Variants in PLEKHG2 observed in about 807,000 individuals in gnomAD.
PLEKHG2 encodes pleckstrin homology and RhoGEF domain containing G2, also known as pleckstrin homology domain-containing family G member 2.
A neutral mutation model predicts 104.4 loss-of-function variants in PLEKHG2; 71 were observed. That is an observed-to-expected ratio of 0.68 (90% confidence interval 0.56 to 0.83). PLEKHG2 has a LOEUF of 0.83. Among genes scored for constraint, PLEKHG2 ranks in the 40% least tolerant of loss-of-function variants. The pLI, the probability that PLEKHG2 is intolerant of heterozygous loss-of-function variation, is 0.00. For missense variants in PLEKHG2, 1,730 were observed against 1,809.4 expected (o/e 0.96, Z 0.80); for synonymous variants, 728 against 737.0 (o/e 0.99, Z 0.20).
chr19:39,417,444 C>T (rs551887768), intron 7 of PLEKHG2, 111 bp from the exon 8 acceptor site: 49 of 1,370,206 alleles, frequency 3.6e-5, no homozygotes, highest in Non-Finnish European at 4.3e-5. Context: ...TGAGCCACTG[C>T]GCCTGGCCTC....
Position 39,413,955 on chromosome 19 carries a change from G to T in PLEKHG2, c.-22-110G>T. On this transcript the variant is annotated intron_variant, in intron 1 of 18. Coordinates refer to ENST00000425673, the MANE Select transcript of PLEKHG2 (RefSeq NM_022835.3). The surrounding 1 kb of genome is among the most constrained non-coding windows in gnomAD (Gnocchi z 4.5). ...CCTCCCCCATTAGTTACTCCCAGGG[G>T]CCCCTCCCTGGATTTACACCACGCT... 4.5e-6 allele frequency: 3 copies of T among 669,210 alleles called. No homozygotes were observed. The highest frequency in any genetic ancestry group is 3.9e-5 in the South Asian group (2 of 51,118). The allele number at this position is 669,210 out of a possible 1,614,324, so 41.5% of individuals were successfully genotyped here. A position where few individuals can be genotyped will look rare whatever the true frequency, so the allele number is the denominator to read the frequency against.
chr19:39,419,284 G>A (rs369494255), intron 11 of PLEKHG2, among the ~76,000 whole-genome samples: 18 of 152,278 alleles, frequency 1.2e-4, no homozygotes, highest in East Asian at 1.2e-3. Flanking sequence ...CACCAGCCAC[G>A]TCATGGGCTT....
chr19:39,423,266 G>A lies in PLEKHG2; in HGVS notation c.2212G>A (p.Gly738Arg), dbSNP rs146458335. 5.6e-6 allele frequency: 9 copies of A among 1,613,928 alleles called. No homozygotes were observed. Among genetic ancestry groups the A allele is most frequent in the Non-Finnish European group, 7.6e-6 (9 of 1,179,898 alleles). Reference protein sequence around the residue: ...GKAGPEEDEEGVSFTDFQPQD... With the variant: ...GKAGPEEDEERVSFTDFQPQD... ...GGCAGGGCCAGAGGAGGATGAAGAA[G>A]GGGTATCATTCACAGACTTCCAGCC... is the stretch of plus-strand genomic sequence containing the variant. Residue 738 changes from glycine to arginine, a missense_variant, in exon 18 of 19, where the codon GGG becomes AGG. Coordinates refer to ENST00000425673, the MANE Select transcript of PLEKHG2 (RefSeq NM_022835.3).
Position 39,425,435 on chromosome 19 carries a change from T to G in PLEKHG2, c.*141T>G. 7.5e-7 allele frequency: 1 copy of G among 1,338,906 alleles called. No homozygotes were observed. The allele number at this position is 1,338,906 out of a possible 1,614,324, so 82.9% of individuals were successfully genotyped here. On this transcript the variant is annotated 3_prime_UTR_variant, in exon 19 of 19. Coordinates refer to ENST00000425673, the MANE Select transcript of PLEKHG2 (RefSeq NM_022835.3). ...AACTCCTGGTATCTGCATCGGCGAATGGCCCTTCTTGCCTTGATCCACAGG... is the reference window on the plus strand; with the variant it reads ...AACTCCTGGTATCTGCATCGGCGAAGGGCCCTTCTTGCCTTGATCCACAGG...
In PLEKHG2 at chr19:39,416,338, T is replaced by C. The variant is rs769352545; in HGVS notation, c.480-10T>C. On this transcript the variant is annotated splice_polypyrimidine_tract_variant and intron_variant, in intron 4 of 18. Coordinates refer to ENST00000425673, the MANE Select transcript of PLEKHG2 (RefSeq NM_022835.3). This position sits in a 1 kb window ranked among gnomAD's most constrained non-coding sequence, Gnocchi z 4.5. ...GCAGGCGGTTCCTCACCCTCCCCTC[T>C]CCCCTGTAGCGAGCTCCTGGAGGAC... 3 of 1,611,768 alleles carry C rather than the reference T, an allele frequency of 1.9e-6. No homozygotes were observed. The highest frequency in any genetic ancestry group is 2.5e-6 in the Non-Finnish European group (3 of 1,179,510).
intron 9 of PLEKHG2, 129 bp downstream of exon 9, chr19:39,418,234 A>C (rs1188077348): frequency 1.2e-6 from 1 of 817,704 alleles, no homozygotes; most frequent in African/African-American, 1.8e-5. Context: ...AATGGAAGCC[A>C]AGGGAAGCTT....
At position 39,424,625 on chromosome 19, in the gene PLEKHG2, C is replaced by T. The variant is rs755860974; in HGVS notation, c.3492C>T (p.Pro1164=). 3 of 1,614,158 alleles carry T rather than the reference C, an allele frequency of 1.9e-6. No individual in the cohort carries two copies. The highest frequency in any genetic ancestry group is 1.1e-5 in the South Asian group (1 of 91,076). ...GGGTCCAAGCCCTCCCAACTTCACC[C>T]AAGCAGGGAAGCCTCCCAGACATCC... The part of the protein sequence containing the change: ...DIWVQALPTS[P]KQGSLPDIQG... The change falls in exon 19 of 19, where the codon CCC becomes CCT. Residue 1164 remains proline (P), a synonymous_variant. Transcript: ENST00000425673.
At position 39,412,841 on chromosome 19, in the gene PLEKHG2, C is replaced by G. The variant is rs1315683126; in HGVS notation, c.-594C>G. On this transcript the variant is annotated 5_prime_UTR_variant, in exon 1 of 19. Transcript: ENST00000425673. ...CTTGAGCCATCCAGGTGCGCAGCGC[C>G]CCCTCCTGGAGCAGCCGGGAGCCCG... 1 of 152,246 alleles carries G rather than the reference C, an allele frequency of 6.6e-6. No individual in the cohort carries two copies. Among genetic ancestry groups the G allele is most frequent in the Non-Finnish European group, 1.5e-5 (1 of 68,086 alleles). The allele number at this position is 152,246 out of a possible 1,614,324, so 9.4% of individuals were successfully genotyped here.
Position 39,415,404 on chromosome 19 carries a change from G to C in PLEKHG2, c.444G>C (p.Leu148=), listed in dbSNP as rs1166912295. 6.2e-7 allele frequency: 1 copy of C among 1,614,152 alleles called. No individual in the cohort carries two copies. The highest frequency in any genetic ancestry group is 8.5e-7 in the Non-Finnish European group (1 of 1,180,014). ...LGLSVEQVGT[L]FANIEDIYEF... is the part of the protein sequence containing the mutation. ...TGAGCGTGGAGCAGGTGGGCACGCT[G>C]TTTGCCAACATTGAGGACATCTACG... Residue 148 remains leucine, a synonymous_variant, in exon 4 of 19, where the codon CTG becomes CTC. Coordinates refer to ENST00000425673, the MANE Select transcript of PLEKHG2 (RefSeq NM_022835.3). This position sits in a 1 kb window ranked among gnomAD's most constrained non-coding sequence, Gnocchi z 4.6.
rs2078604789 is a variant in PLEKHG2, at chr19:39,416,414, G to A, written c.546G>A (p.Arg182=). The A allele has an allele frequency of 6.2e-7, 1 of 1,613,194 alleles. No homozygotes were observed. The highest frequency in any genetic ancestry group is 1.3e-5 in the African/African-American group (1 of 74,778). ...AGGIAECFVQ[R]SEDFDIYTLY... ...GTATTGCCGAGTGCTTCGTGCAGAGGGTGAGTGGAGGGGTGGGGGGCTCTC... is the reference window on the plus strand; with the variant it reads ...GTATTGCCGAGTGCTTCGTGCAGAGAGTGAGTGGAGGGGTGGGGGGCTCTC... Residue 182 remains arginine (R), a splice_region_variant and synonymous_variant, in exon 5 of 19, where the codon AGG becomes AGA. Coordinates refer to ENST00000425673, the MANE Select transcript of PLEKHG2 (RefSeq NM_022835.3). This position sits in a 1 kb window ranked among gnomAD's most constrained non-coding sequence, Gnocchi z 4.5.
At chr19:39,414,875 A>T in intron 2 of PLEKHG2, 117 bp from the exon 3 acceptor site, 1 of 1,196,006 alleles carries the variant, frequency 8.4e-7, no homozygotes, top group Middle Eastern at 2.8e-4. Context: ...AGGAGGAAGG[A>T]GCCTGTGGGA....
At position 39,424,959 on chromosome 19, in the gene PLEKHG2, G is replaced by A. The variant is rs772354235; in HGVS notation, c.3826G>A (p.Ala1276Thr). 2.5e-6 allele frequency: 4 copies of A among 1,614,188 alleles called. No individual in the cohort carries two copies. The South Asian group carries it at 3.3e-5, about 13-fold the overall frequency. ...SRQLLGPNAA[A>T]LSRYLAASYI... is the part of the protein sequence containing the mutation. ...TCAGCTCCTGGGCCCCAATGCAGCT[G>A]CCCTCTCCAGATACCTGGCAGCCTC... The change falls in exon 19 of 19, where the codon GCC (alanine) becomes ACC (threonine). Residue 1276 changes from alanine to threonine, a missense_variant. Coordinates refer to ENST00000425673, the MANE Select transcript of PLEKHG2 (RefSeq NM_022835.3).
chr19:39,424,910 T>A lies in PLEKHG2; in HGVS notation c.3777T>A (p.Pro1259=). 6.2e-7 allele frequency: 1 copy of A among 1,614,182 alleles called. No individual in the cohort carries two copies. The highest frequency in any genetic ancestry group is 1.1e-5 in the South Asian group (1 of 91,084). ...TGGAGTCTTCAGACTTGACGCCACCTCATAGTCCCCCACCTTCCAGCCGTC... is the reference window on the plus strand; with the variant it reads ...TGGAGTCTTCAGACTTGACGCCACCACATAGTCCCCCACCTTCCAGCCGTC... ...ARLESSDLTP[P]HSPPPSSRQL... The change falls in exon 19 of 19, where the codon CCT becomes CCA. Residue 1259 remains proline, a synonymous_variant. Transcript: ENST00000425673.
At position 39,415,350 on chromosome 19, in the gene PLEKHG2, C is replaced by T. The variant is rs767415761; in HGVS notation, c.390C>T (p.Gly130=). 4 of 1,613,898 alleles carry T rather than the reference C, an allele frequency of 2.5e-6. No homozygotes were observed. Among genetic ancestry groups the T allele is most frequent in the South Asian group, 2.2e-5 (2 of 91,052 alleles). Residue 130 remains glycine (G), a synonymous_variant, in exon 4 of 19, where the codon GGC becomes GGT. Transcript: ENST00000425673. This position sits in a 1 kb window ranked among gnomAD's most constrained non-coding sequence, Gnocchi z 4.6. ...AGTCATCCCAACAGGACTACCTGGG[C>T]CCTCTGCTGGACGGCGGGGTCCTGG... The part of the protein sequence containing the change: ...DLRSIVEDYL[G]PLLDGGVLGL...
In PLEKHG2 at chr19:39,423,435, C is replaced by T. The variant is rs772031394; in HGVS notation, c.2381C>T (p.Ser794Leu). ...GAGCCACTGCTGATCCTGGAGGATT[C>T]GGATCTGGGTGGAGACAGCGGGAGC... ...FPEPLLILED[S>L]DLGGDSGSGK... is the part of the protein sequence containing the mutation. The change falls in exon 18 of 19, where the codon TCG (serine) becomes TTG (leucine). Residue 794 changes from serine to leucine, a missense_variant. Coordinates refer to ENST00000425673, the MANE Select transcript of PLEKHG2 (RefSeq NM_022835.3). 3.7e-6 allele frequency: 6 copies of T among 1,610,082 alleles called. No individual in the cohort carries two copies. The highest frequency in any genetic ancestry group is 1.1e-5 in the South Asian group (1 of 90,552).
At chr19:39,418,140 C>A in intron 9 of PLEKHG2, 35 bp downstream of exon 9, 1 of 1,455,410 alleles carries the variant, frequency 6.9e-7, no homozygotes, top group Non-Finnish European at 9.1e-7. Flanking sequence ...TAGAATACTA[C>A]CTACAAAGTA....
At chr19:39,417,752 C>CGGGGGGG in intron 8 of PLEKHG2, 60 bp downstream of exon 8, 2 of 375,782 alleles carry the variant, frequency 5.3e-6, no homozygotes, top group Non-Finnish European at 7.9e-6. Context: ...GGCCTTGGGG[C>CGGGGGGG]GGGTGGGGGG....
rs924985403 is a variant in PLEKHG2 at position 39,425,054 on chromosome 19, C to T, written c.3921C>T (p.Ser1307=). The stretch of plus-strand genomic sequence containing the variant: ...GGGCCCCCGCAGCCTCCCGGGGCTC[C>T]TGGTCCTCTGCTCCCACGTCACGGG... ...GGGAPAASRG[S]WSSAPTSRAS... Residue 1307 remains serine (S), a synonymous_variant, in exon 19 of 19, where the codon TCC becomes TCT. Coordinates refer to ENST00000425673, the MANE Select transcript of PLEKHG2 (RefSeq NM_022835.3). 6.3e-7 allele frequency: 1 copy of T among 1,598,942 alleles called. No individual in the cohort carries two copies. Among genetic ancestry groups the T allele is most frequent in the Non-Finnish European group, 8.5e-7 (1 of 1,173,196 alleles).
chr19:39,422,917 C>T lies in PLEKHG2; in HGVS notation c.1863C>T (p.Ser621=). 1 of 1,610,284 alleles carries T rather than the reference C, an allele frequency of 6.2e-7. No individual in the cohort carries two copies. Residue 621 remains serine (S), a synonymous_variant, in exon 18 of 19, where the codon TCC becomes TCT. Transcript: ENST00000425673. The stretch of plus-strand genomic sequence containing the variant: ...ACGTCCTGGAAGGGCTCGAAAGTTC[C>T]ATTGCAGCTGAAATGCCCAGCATTC... ...PLHVLEGLES[S]IAAEMPSIPC...
Sources: gnomAD v4.1 joint callset for allele counts (sites outside exome capture counted in the v4.1 genomes callset) on GRCh38, gnomAD v4.1.1 for gene constraint, Gnocchi (gnomAD v3.1) non-coding constraint, MANE v1.5 for transcripts, NCBI Gene and HGNC (gene_info 2026-07-23, HGNC 2026-07-21) for gene names.